Variants in ARHGAP42 observed in about 807,000 individuals in gnomAD.
ARHGAP42 encodes Rho GTPase activating protein 42.
ARHGAP42 carries 63 observed loss-of-function variants against 125.0 expected under a neutral mutation model. The observed-to-expected ratio is 0.50, with a 90% confidence interval of 0.41 to 0.62. ARHGAP42 has a LOEUF of 0.62. ARHGAP42 is among the 20% of genes least tolerant of loss of function. ARHGAP42 has a pLI of 0.00. For missense variants in ARHGAP42, 766 were observed against 1,024.2 expected (o/e 0.75, Z 3.44); for synonymous variants, 339 against 351.0 (o/e 0.97, Z 0.38).
At chr11:100,742,464 A>G (rs910505401) in intron 1 of ARHGAP42, among the ~76,000 whole-genome samples, 10 of 152,286 alleles carry the variant, frequency 6.6e-5, no homozygotes, top group Admixed American at 4.6e-4. Context: ...TGGTGGTCAT[A>G]TATTTGAAGT....
At chr11:100,717,353 A>T (rs998126916) in intron 1 of ARHGAP42, among the ~76,000 whole-genome samples, 1 of 152,142 alleles carries the variant, frequency 6.6e-6, no homozygotes, top group Non-Finnish European at 1.5e-5. Flanking sequence ...GATACCATAT[A>T]TAGGCCGGGC....
chr11:100,774,819 C>G (rs932760817), intron 2 of ARHGAP42, among the ~76,000 whole-genome samples: 1 of 152,152 alleles, frequency 6.6e-6, no homozygotes, highest in African/African-American at 2.4e-5. Flanking sequence ...ACATCTGTCC[C>G]AACGCTTCAC....
At chr11:100,805,223 A>G (rs1188926640) in intron 3 of ARHGAP42, among the ~76,000 whole-genome samples, 1 of 152,226 alleles carries the variant, frequency 6.6e-6, no homozygotes, top group Admixed American at 6.5e-5. Flanking sequence ...GTTTGAACCC[A>G]TGCTGTGGGG....
At chr11:100,751,204 G>A (rs1184699183) in intron 1 of ARHGAP42, among the ~76,000 whole-genome samples, 1 of 151,402 alleles carries the variant, frequency 6.6e-6, no homozygotes, top group Non-Finnish European at 1.5e-5. Context: ...CTCCCAAAGA[G>A]CTGGGATTAT....
At chr11:100,920,057 A>G (rs979488482) in intron 5 of ARHGAP42, among the ~76,000 whole-genome samples, 1 of 152,248 alleles carries the variant, frequency 6.6e-6, no homozygotes, top group Non-Finnish European at 1.5e-5. Flanking sequence ...AGAAGAAAAG[A>G]AACATGATTT....
intron 12 of ARHGAP42, among the ~76,000 whole-genome samples, chr11:100,957,409 C>T (rs1248634363): frequency 1.3e-5 from 2 of 152,042 alleles, no homozygotes; most frequent in Admixed American, 6.6e-5. Flanking sequence ...ATTGTTACTT[C>T]CCTCATTTTA....
In ARHGAP42 at chr11:100,919,669, T is replaced by G. The variant is rs1018643613; in HGVS notation, c.487-1825T>G. Reference sequence around the variant, plus strand: ...CTCCCACGTTGGCCTCTCAAAGTGCTGGGATTACAGATGTGAGCCACCATA... The same window carrying G: ...CTCCCACGTTGGCCTCTCAAAGTGCGGGGATTACAGATGTGAGCCACCATA... On this transcript the variant is annotated intron_variant, in intron 5 of 23. Transcript: ENST00000298815. 3.9e-5 allele frequency among the ~76,000 whole-genome samples: 6 copies of G among 152,234 alleles called. No homozygotes were observed. In the South Asian group the frequency reaches 1.2e-3, roughly 32 times the overall value.
intron 19 of ARHGAP42, among the ~76,000 whole-genome samples, chr11:100,975,709 T>C (rs1252466692): frequency 1.3e-5 from 2 of 152,212 alleles, no homozygotes; most frequent in Admixed American, 6.6e-5. Flanking sequence ...AGGAATCTTA[T>C]TTCTCTTACT....
chr11:100,989,808 T>A lies in ARHGAP42; in HGVS notation c.*1007T>A, dbSNP rs1246633718. ...GGCTTTTGAAATGTTCTTCTACAAA[T>A]GAAAAAGATGTTTAAAAACGTTACA... On this transcript the variant is annotated 3_prime_UTR_variant, in exon 24 of 24. Transcript: ENST00000298815. The A allele has an allele frequency of 6.6e-6, 1 of 152,154 alleles. No homozygotes were observed. The highest frequency in any genetic ancestry group is 1.5e-5 in the Non-Finnish European group (1 of 68,006). 9.4% of individuals were successfully genotyped at this position (152,154 alleles called of 1,614,324 possible).
At chr11:100,807,988 AG>A (rs1292846093) in intron 3 of ARHGAP42, among the ~76,000 whole-genome samples, 1 of 152,220 alleles carries the variant, frequency 6.6e-6, no homozygotes, top group Admixed American at 6.5e-5. Flanking sequence ...ATAATATAAA[AG>A]GTAAATGTAT....
In ARHGAP42 at chr11:100,794,045, C is replaced by T. The variant is rs1011260917; in HGVS notation, c.251-1060C>T. Among the ~76,000 whole-genome samples, 4 of 120,942 alleles carry T rather than the reference C, an allele frequency of 3.3e-5. 1 individual carries two copies. The highest frequency in any genetic ancestry group is 6.5e-5 in the Non-Finnish European group (4 of 61,924). 79.3% of individuals were successfully genotyped at this position (120,942 alleles called of 152,430 possible). On this transcript the variant is annotated intron_variant, in intron 2 of 23. Transcript: ENST00000298815. ...CTGCAGTGATTTCACCACTGCTCTC[C>T]AATCCGAACAACAGAGCTAGACCCT...
intron 5 of ARHGAP42, among the ~76,000 whole-genome samples, chr11:100,915,738 G>A (rs1867044331): frequency 6.6e-6 from 1 of 152,056 alleles, no homozygotes. Flanking sequence ...CACTCCACAA[G>A]TACACACACA....
chr11:100,781,601 AAC>A (rs1863312813), intron 2 of ARHGAP42, among the ~76,000 whole-genome samples: 3 of 152,174 alleles, frequency 2.0e-5, no homozygotes, highest in African/African-American at 4.8e-5. Context: ...CATTGTGCAA[AAC>A]AGAAATAAAT....
At chr11:100,832,298 C>T (rs977636906) in intron 3 of ARHGAP42, among the ~76,000 whole-genome samples, 13 of 152,190 alleles carry the variant, frequency 8.5e-5, no homozygotes, top group Admixed American at 5.2e-4. Context: ...CAGCAAGCCA[C>T]GGGATGTAGC....
intron 4 of ARHGAP42, among the ~76,000 whole-genome samples, chr11:100,867,113 C>T (rs1865586724): frequency 6.6e-6 from 1 of 152,176 alleles, no homozygotes; most frequent in Non-Finnish European, 1.5e-5. Context: ...CTTTCTAGAG[C>T]ACAGGCAGAG....
chr11:100,946,074 C>T (rs1868008179), intron 10 of ARHGAP42, among the ~76,000 whole-genome samples: 2 of 152,098 alleles, frequency 1.3e-5, no homozygotes, highest in Admixed American at 1.3e-4. Context: ...TCTACATCAA[C>T]TCTTACTGCT....
chr11:100,768,945 A>G (rs1700099892), intron 1 of ARHGAP42, among the ~76,000 whole-genome samples: 1 of 152,204 alleles, frequency 6.6e-6, no homozygotes, highest in Non-Finnish European at 1.5e-5. Context: ...TTGTCATTGT[A>G]CAAACATAAT....
At chr11:100,978,876 A>G (rs1361556293) in intron 21 of ARHGAP42, 111 bp from the exon 22 acceptor site, 1 of 1,042,342 alleles carries the variant, frequency 9.6e-7, no homozygotes, top group Non-Finnish European at 1.4e-6. Context: ...TAATTTTGGC[A>G]ATGGTTCTCA....
Position 100,765,027 on chromosome 11 carries a change from C to CT in ARHGAP42, c.155-5308dup, listed in dbSNP as rs931033572. 9.2e-5 allele frequency among the ~76,000 whole-genome samples: 14 copies of CT among 151,724 alleles called. No individual in the cohort carries two copies. The East Asian group carries it at 1.6e-3, about 17-fold the overall frequency. On this transcript the variant is annotated intron_variant, in intron 1 of 23. Coordinates refer to ENST00000298815, the MANE Select transcript of ARHGAP42 (RefSeq NM_152432.4). ...CTTGAGAGAAATCTTGAAAAAAGGC[C>CT]TTTTTTTTGGCAACGGAGAATGAGA...
Sources: gnomAD v4.1 joint callset for allele counts (sites outside exome capture counted in the v4.1 genomes callset) on GRCh38, gnomAD v4.1.1 for gene constraint, MANE v1.5 for transcripts, NCBI Gene and HGNC (gene_info 2026-07-23, HGNC 2026-07-21) for gene names.